Variants in CSMD1 observed in about 807,000 individuals in gnomAD.
The protein encoded by CSMD1 is CUB and Sushi multiple domains 1, also known as CUB and sushi domain-containing protein 1.
A neutral mutation model predicts 417.5 loss-of-function variants in CSMD1; 213 were observed. The observed-to-expected ratio is 0.51, with a 90% CI of 0.46 to 0.57. CSMD1 has a LOEUF of 0.57. CSMD1 is among the 20% of genes least tolerant of loss of function. The pLI is 0.00. For synonymous variants in CSMD1, 2,862 were observed against 1,736.8 expected (o/e 1.65, Z -16.11); for missense variants, 6,923 against 4,529.7 (o/e 1.53, Z -15.17).
intron 3 of CSMD1, among the ~76,000 whole-genome samples, chr8:4,088,326 T>A (rs1196742881): frequency 6.6e-6 from 1 of 152,214 alleles, no homozygotes; most frequent in Non-Finnish European, 1.5e-5. Flanking sequence ...TCACTTTTGA[T>A]TTACCATACT....
intron 3 of CSMD1, among the ~76,000 whole-genome samples, chr8:4,403,069 G>T (rs1036943135): frequency 3.3e-5 from 5 of 151,658 alleles, no homozygotes; most frequent in African/African-American, 9.7e-5. Context: ...CTGACCTCGT[G>T]ATCCGCTCGC....
intron 25 of CSMD1, among the ~76,000 whole-genome samples, chr8:3,301,495 C>G (rs569387470): frequency 1.3e-5 from 2 of 152,084 alleles, no homozygotes; most frequent in African/African-American, 4.8e-5. Flanking sequence ...GGGAACAACA[C>G]AGAATATTTC....
chr8:3,629,374 G>A lies in CSMD1; in HGVS notation c.1010-12577C>T, dbSNP rs193022707. On this transcript the variant is annotated intron_variant, in intron 7 of 69. Transcript: ENST00000635120. ...ACAGCGTCCTCCATTATTTATATGT[G>A]TATTTAGTTACATATAGTTATTGTT... is the stretch of plus-strand genomic sequence containing the variant. Among the ~76,000 whole-genome samples, 79 of 152,152 alleles carry A rather than the reference G, an allele frequency of 5.2e-4. No individual in the cohort carries two copies. The South Asian group carries it at 0.016, about 30-fold the overall frequency.
In CSMD1 at chr8:3,848,081, C is replaced by G. The variant is rs181345594; in HGVS notation, c.819-94039G>C. Among the ~76,000 whole-genome samples, 261 of 142,228 alleles carry G rather than the reference C, an allele frequency of 1.8e-3. 1 individual carries two copies. The highest frequency in any genetic ancestry group is 3.3e-3 in the Non-Finnish European group (213 of 64,462). The allele number at this position is 142,228 out of a possible 152,430, so 93.3% of individuals were successfully genotyped here. Reference sequence around the variant, plus strand: ...ATCCTGGTGATATTTCTCTCTCTCTCTCTCTCTCTAAATATATATACTTAC... The same window carrying G: ...ATCCTGGTGATATTTCTCTCTCTCTGTCTCTCTCTAAATATATATACTTAC... On this transcript the variant is annotated intron_variant, in intron 5 of 69. Coordinates refer to ENST00000635120, the MANE Select transcript of CSMD1 (RefSeq NM_033225.6).
At chr8:3,057,689 A>C (rs531602950) in intron 49 of CSMD1, among the ~76,000 whole-genome samples, 7 of 152,280 alleles carry the variant, frequency 4.6e-5, no homozygotes, top group African/African-American at 1.7e-4. Flanking sequence ...ATTTTCCCCA[A>C]GTCTAATAGT....
At chr8:3,160,884 TCTTAA>T (rs1164343855) in intron 38 of CSMD1, among the ~76,000 whole-genome samples, 1 of 152,186 alleles carries the variant, frequency 6.6e-6, no homozygotes, top group Non-Finnish European at 1.5e-5. Context: ...CTGTTCTTGC[TCTTAA>T]CTTGATTCAC....
intron 3 of CSMD1, among the ~76,000 whole-genome samples, chr8:4,179,705 C>A (rs568834320): frequency 2.0e-5 from 3 of 151,436 alleles, no homozygotes; most frequent in Non-Finnish European, 4.4e-5. Context: ...TATCCAGAAT[C>A]TACAATGAAC....
At chr8:3,951,244 G>A (rs1464959798) in intron 5 of CSMD1, among the ~76,000 whole-genome samples, 3 of 152,156 alleles carry the variant, frequency 2.0e-5, no homozygotes, top group South Asian at 2.1e-4. Flanking sequence ...CGGGTCTGAC[G>A]GTGACTGAGG....
At chr8:4,009,067 A>C (rs1442808014) in intron 4 of CSMD1, among the ~76,000 whole-genome samples, 2 of 152,240 alleles carry the variant, frequency 1.3e-5, no homozygotes, top group African/African-American at 4.8e-5. Context: ...GAGTTATCAT[A>C]AAATTCTGCA....
chr8:4,930,362 G>A (rs1464335644), intron 1 of CSMD1, among the ~76,000 whole-genome samples: 1 of 151,902 alleles, frequency 6.6e-6, no homozygotes, highest in Non-Finnish European at 1.5e-5. Context: ...TTCATTCATA[G>A]GTGCGCGCAC....
intron 26 of CSMD1, among the ~76,000 whole-genome samples, chr8:3,275,482 C>G (rs548931855): frequency 6.6e-6 from 1 of 152,236 alleles, no homozygotes; most frequent in East Asian, 1.9e-4. Flanking sequence ...ACCTGCCTTG[C>G]TAGATTGGGG....
chr8:4,429,684 A>T (rs917824762), intron 2 of CSMD1, among the ~76,000 whole-genome samples: 2 of 152,098 alleles, frequency 1.3e-5, no homozygotes, highest in African/African-American at 4.8e-5. Context: ...ATGGACCCCA[A>T]TACCCCAAAA....
intron 5 of CSMD1, among the ~76,000 whole-genome samples, chr8:3,817,307 G>A (rs569633901): frequency 1.0e-5 from 1 of 95,248 alleles, no homozygotes. Flanking sequence ...TTGAGATGGA[G>A]TCTCGCTGTG....
chr8:4,099,460 C>G (rs981474016), intron 3 of CSMD1, among the ~76,000 whole-genome samples: 1 of 152,108 alleles, frequency 6.6e-6, no homozygotes, highest in Non-Finnish European at 1.5e-5. Context: ...TCCTAAGCCT[C>G]CAACAATCAT....
chr8:4,677,652 T>C (rs1805779953), intron 1 of CSMD1, among the ~76,000 whole-genome samples: 1 of 152,192 alleles, frequency 6.6e-6, no homozygotes, highest in Non-Finnish European at 1.5e-5. Flanking sequence ...CATTAATTAA[T>C]CTCTCTGACT....
chr8:2,937,153 T>C lies in CSMD1; in HGVS notation c.*1432A>G, dbSNP rs1801539250. 6.6e-6 allele frequency: 1 copy of C among 152,176 alleles called. No homozygotes were observed. The highest frequency in any genetic ancestry group is 2.4e-5 in the African/African-American group (1 of 41,432). The allele number at this position is 152,176 out of a possible 1,614,324, so 9.4% of individuals were successfully genotyped here. A position where few individuals can be genotyped will look rare whatever the true frequency, so the allele number is the denominator to read the frequency against. On this transcript the variant is annotated 3_prime_UTR_variant, in exon 70 of 70. Coordinates refer to ENST00000635120, the MANE Select transcript of CSMD1 (RefSeq NM_033225.6). ...TTTTGATTTTTATTTGCCCTGGGGA[T>C]CTTATAGATTTTATTTGCATCATAA... is the stretch of plus-strand genomic sequence containing the variant.
intron 7 of CSMD1, among the ~76,000 whole-genome samples, chr8:3,656,067 A>C (rs1409286285): frequency 6.6e-6 from 1 of 152,200 alleles, no homozygotes; most frequent in Non-Finnish European, 1.5e-5. Context: ...ATTTCAAATA[A>C]TGCCCAGCAC....
At chr8:4,210,367 T>C (rs1360469618) in intron 3 of CSMD1, among the ~76,000 whole-genome samples, 1 of 152,228 alleles carries the variant, frequency 6.6e-6, no homozygotes, top group Non-Finnish European at 1.5e-5. Context: ...CTTTGAGACA[T>C]TCAAATCCAA....
At chr8:3,275,268 C>G (rs1174322517) in intron 26 of CSMD1, among the ~76,000 whole-genome samples, 1 of 152,184 alleles carries the variant, frequency 6.6e-6, no homozygotes, top group Non-Finnish European at 1.5e-5. Context: ...CCGCTCTCTT[C>G]TGGCTTGTAG....
Sources: allele counts gnomAD v4.1 joint callset (sites outside exome capture counted in the v4.1 genomes callset), GRCh38; gene constraint gnomAD v4.1.1; transcripts MANE v1.5; gene names NCBI Gene and HGNC (gene_info 2026-07-23, HGNC 2026-07-21).